PATJ: variants seen among roughly 807,000 people sequenced by gnomAD.
PATJ encodes inaD-like protein.
PATJ carries 190 observed loss-of-function variants against 224.9 expected under a neutral mutation model. That is an observed-to-expected ratio of 0.84 (90% confidence interval 0.75 to 0.95). PATJ has a LOEUF of 0.95. Ranked by LOEUF, PATJ falls within the 40% of genes least tolerant of loss-of-function variation. PATJ has a pLI of 0.00. For missense variants in PATJ, 2,121 were observed against 2,270.3 expected (o/e 0.93, Z 1.34); for synonymous variants, 769 against 820.3 (o/e 0.94, Z 1.07).
At chr1:61,915,009 T>C (rs949579275) in intron 26 of PATJ, among the ~76,000 whole-genome samples, 4 of 152,194 alleles carry the variant, frequency 2.6e-5, no homozygotes, top group African/African-American at 9.7e-5. Context: ...ATTTCCCACA[T>C]TGCTCTCCCA....
At chr1:62,124,683 GC>G (rs1359430898) in intron 39 of PATJ, among the ~76,000 whole-genome samples, 1 of 151,940 alleles carries the variant, frequency 6.6e-6, no homozygotes, top group Non-Finnish European at 1.5e-5. Flanking sequence ...TTTTCCTGAG[GC>G]CCCCCTCCTT....
intron 33 of PATJ, among the ~76,000 whole-genome samples, chr1:62,087,913 C>T (rs1257271442): frequency 5.5e-5 from 8 of 145,826 alleles, no homozygotes; most frequent in East Asian, 2.0e-4. Flanking sequence ...TTTTTTGAGA[C>T]GGAGTTTCGC....
intron 29 of PATJ, among the ~76,000 whole-genome samples, chr1:62,022,837 T>C (rs1647167666): frequency 6.6e-6 from 1 of 152,172 alleles, no homozygotes; most frequent in Non-Finnish European, 1.5e-5. Context: ...CCTTCCTGTA[T>C]CGATTGAACA....
chr1:61,987,117 T>C (rs1368304937), intron 27 of PATJ, among the ~76,000 whole-genome samples: 1 of 152,072 alleles, frequency 6.6e-6, no homozygotes, highest in Non-Finnish European at 1.5e-5. Context: ...GGTTTTTTGC[T>C]AATATTAATT....
intron 12 of PATJ, among the ~76,000 whole-genome samples, chr1:61,803,818 G>A (rs1653019258): frequency 6.6e-6 from 1 of 152,058 alleles, no homozygotes; most frequent in African/African-American, 2.4e-5. Flanking sequence ...TATGAGGTTA[G>A]CTCTCTTTTT....
chr1:62,049,284 GT>G, intron 30 of PATJ, among the ~76,000 whole-genome samples: 1 of 95,698 alleles, frequency 1.0e-5, no homozygotes, highest in African/African-American at 4.4e-5. Context: ...CACACACAGA[GT>G]ATTTTTTTTT....
intron 33 of PATJ, among the ~76,000 whole-genome samples, chr1:62,104,352 C>G (rs1480677843): frequency 2.6e-5 from 4 of 152,070 alleles, no homozygotes; most frequent in African/African-American, 9.7e-5. Context: ...AACCCAGTAT[C>G]TTTTTTACTC....
At chr1:61,861,731 G>A (rs1664650836) in intron 19 of PATJ, 64 bp downstream of exon 19, 2 of 675,820 alleles carry the variant, frequency 3.0e-6, no homozygotes, top group Non-Finnish European at 2.4e-6. Context: ...TATGTAGAAA[G>A]AATAAAAAGA....
intron 27 of PATJ, among the ~76,000 whole-genome samples, chr1:61,984,078 C>T (rs1355971581): frequency 2.0e-5 from 3 of 151,744 alleles, no homozygotes; most frequent in Non-Finnish European, 4.4e-5. Flanking sequence ...TTCTGCCTTC[C>T]AAAATGCTGG....
chr1:61,851,538 G>A (rs189075490), intron 17 of PATJ, among the ~76,000 whole-genome samples: 8 of 152,262 alleles, frequency 5.3e-5, no homozygotes, highest in East Asian at 1.9e-4. Context: ...AGTGAGAGAC[G>A]AGACAGAACT....
At chr1:62,140,121 G>A (rs1667349490) in intron 41 of PATJ, among the ~76,000 whole-genome samples, 1 of 152,094 alleles carries the variant, frequency 6.6e-6, no homozygotes, top group Non-Finnish European at 1.5e-5. Context: ...AGACCAAGCT[G>A]TCAGTGAAAG....
chr1:61,842,712 C>T (rs1035357771), intron 17 of PATJ, among the ~76,000 whole-genome samples: 1 of 150,406 alleles, frequency 6.6e-6, no homozygotes, highest in Non-Finnish European at 1.5e-5. Context: ...GAGTGGGTAT[C>T]AGCCTGGCTA....
rs184575170 is a variant in PATJ, at chr1:61,977,174, A to G, written c.3671-12994A>G. ...GTGATCATGGCTTACTATATCCTCC[A>G]CCTCCCAGGCTCAAGGGATTCTCCA... On this transcript the variant is annotated intron_variant, in intron 27 of 43. Coordinates refer to ENST00000642238, the MANE Select transcript of PATJ (RefSeq NM_001350145.3). Among the ~76,000 whole-genome samples the G allele has an allele frequency of 1.0e-3, 152 of 151,868 alleles. 1 individual carries two copies. Among genetic ancestry groups the G allele is most frequent in the African/African-American group, 3.5e-3 (145 of 41,324 alleles).
At chr1:62,129,562 A>G (rs1255095985) in intron 41 of PATJ, among the ~76,000 whole-genome samples, 1 of 152,246 alleles carries the variant, frequency 6.6e-6, no homozygotes, top group African/African-American at 2.4e-5. Flanking sequence ...GCAGTGACTG[A>G]GAGGCAGCAT....
chr1:61,926,402 T>A (rs796531263), intron 26 of PATJ, among the ~76,000 whole-genome samples: 5 of 152,306 alleles, frequency 3.3e-5, no homozygotes, highest in African/African-American at 1.2e-4. Context: ...ATGTAAAAAA[T>A]TCCATTAAAG....
chr1:61,790,744 C>T (rs951092144), intron 8 of PATJ, among the ~76,000 whole-genome samples: 29 of 151,956 alleles, frequency 1.9e-4, no homozygotes, highest in Admixed American at 1.3e-4. Flanking sequence ...CAACTCCTGA[C>T]CTCAGGTGAT....
chr1:61,964,095 T>C (rs1453569181), intron 27 of PATJ, among the ~76,000 whole-genome samples: 1 of 141,306 alleles, frequency 7.1e-6, no homozygotes, highest in Non-Finnish European at 1.6e-5. Context: ...CCTCCCTCCC[T>C]TCCTTCCTTC....
chr1:61,762,748 G>T (rs191829330), intron 1 of PATJ, 110 bp from the exon 2 acceptor site: 84 of 515,956 alleles, frequency 1.6e-4, no homozygotes, highest in African/African-American at 1.5e-3. Flanking sequence ...GAATTTCACT[G>T]AGTGGAGCCT....
chr1:62,076,164 C>A (rs1658267707), intron 31 of PATJ, among the ~76,000 whole-genome samples: 1 of 151,950 alleles, frequency 6.6e-6, no homozygotes, highest in South Asian at 2.1e-4. Context: ...TAAAGTTAAA[C>A]CATGGATTCT....
Sources: allele counts gnomAD v4.1 joint callset (sites outside exome capture counted in the v4.1 genomes callset), GRCh38; gene constraint gnomAD v4.1.1; transcripts MANE v1.5; gene names NCBI Gene and HGNC (gene_info 2026-07-23, HGNC 2026-07-21).